The following SHISA9 variants were observed in gnomAD, a reference collection of about 807,000 sequenced individuals.
SHISA9 encodes the protein shisa family member 9, also known as protein shisa-9.
Under a neutral mutation model 38.0 loss-of-function variants are expected in SHISA9, and 13 were observed. The observed-to-expected ratio is 0.34, with a 90% CI of 0.22 to 0.54. The LOEUF (loss-of-function observed/expected upper bound fraction) is 0.54. Among genes scored for constraint, SHISA9 ranks in the 20% least tolerant of loss-of-function variants. The pLI is 0.91. For missense variants in SHISA9, 538 were observed against 575.8 expected (o/e 0.93, Z 0.67); for synonymous variants, 275 against 242.0 (o/e 1.14, Z -1.27).
chr16:13,461,002 C>T, the SHISA9 span, among the ~76,000 whole-genome samples: 5 of 152,344 alleles, frequency 3.3e-5, no homozygotes, highest in East Asian at 1.9e-4. Flanking sequence ...TTTGCTGTCT[C>T]AGGCAGTAAT....
At chr16:13,005,487 C>T (rs187614710) in intron 2 of SHISA9, among the ~76,000 whole-genome samples, 1 of 152,256 alleles carries the variant, frequency 6.6e-6, no homozygotes, top group East Asian at 1.9e-4. Flanking sequence ...GTAATTTGCT[C>T]AAGGTCACAC....
intron 2 of SHISA9, among the ~76,000 whole-genome samples, chr16:13,094,319 C>T (rs1387827253): frequency 6.6e-6 from 1 of 152,040 alleles, no homozygotes; most frequent in African/African-American, 2.4e-5. Flanking sequence ...GGCCATTAGA[C>T]AAAAGTAAGC....
chr16:12,960,569 T>C (rs1158494341), intron 2 of SHISA9, among the ~76,000 whole-genome samples: 2 of 152,174 alleles, frequency 1.3e-5, no homozygotes, highest in Admixed American at 1.3e-4. Context: ...ATATACACCA[T>C]GGAATACTAT....
At chr16:12,941,349 TA>T (rs34236666) in intron 2 of SHISA9, among the ~76,000 whole-genome samples, 48,826 of 151,826 alleles carry the variant, frequency 0.32, 8,121 homozygotes, top group Middle Eastern at 0.42. Context: ...AGATTCCATC[TA>T]AAAAAAATAA....
the SHISA9 span, among the ~76,000 whole-genome samples, chr16:13,246,713 C>T: frequency 1.3e-5 from 2 of 152,084 alleles, no homozygotes; most frequent in Non-Finnish European, 1.5e-5. Context: ...ACCAACTGGA[C>T]GTTATGTGAG....
In SHISA9 at chr16:13,019,944, T is replaced by G. The variant is rs1304381081; in HGVS notation, c.691+103129T>G. On this transcript the variant is annotated intron_variant, in intron 2 of 4. Coordinates refer to ENST00000558583, the MANE Select transcript of SHISA9 (RefSeq NM_001145204.3). ...CTTTCTTTCTTTCTTTCTTTCTTTC[T>G]TTCTTTCTTTCTTTCCCTCCTTCTT... Among the ~76,000 whole-genome samples the G allele has an allele frequency of 2.3e-3, 158 of 69,600 alleles. 9 individuals are homozygous for G. The highest frequency in any genetic ancestry group is 4.5e-3 in the Non-Finnish European group (133 of 29,480). The allele number at this position is 69,600 out of a possible 152,430, so 45.7% of individuals were successfully genotyped here.
At chr16:13,158,993 G>A (rs956854340) in intron 2 of SHISA9, among the ~76,000 whole-genome samples, 2 of 151,124 alleles carry the variant, frequency 1.3e-5, no homozygotes, top group African/African-American at 4.9e-5. Context: ...CCAGGAGGCG[G>A]AGGTTGCAAT....
intron 2 of SHISA9, among the ~76,000 whole-genome samples, chr16:12,984,218 C>G (rs1484796711): frequency 2.0e-5 from 3 of 152,088 alleles, no homozygotes; most frequent in South Asian, 2.1e-4. Flanking sequence ...CCTCTAGCAT[C>G]AAGGAAATGA....
At chr16:12,988,682 T>C (rs1203373884) in intron 2 of SHISA9, among the ~76,000 whole-genome samples, 1 of 151,698 alleles carries the variant, frequency 6.6e-6, no homozygotes, top group Non-Finnish European at 1.5e-5. Context: ...CCCCCAACCA[T>C]GCCCGACTAT....
the SHISA9 span, among the ~76,000 whole-genome samples, chr16:13,516,570 T>C: frequency 6.6e-6 from 1 of 151,708 alleles, no homozygotes; most frequent in Non-Finnish European, 1.5e-5. Context: ...GAGGCTGAGG[T>C]GGGTGGATTG....
the SHISA9 span, among the ~76,000 whole-genome samples, chr16:13,537,326 G>T: frequency 2.0e-5 from 3 of 151,886 alleles, no homozygotes; most frequent in Admixed American, 2.0e-4. Flanking sequence ...TACTCAGAAG[G>T]CTGAGGCAGA....
chr16:13,514,507 T>C, the SHISA9 span, among the ~76,000 whole-genome samples: 2 of 152,126 alleles, frequency 1.3e-5, no homozygotes, highest in Admixed American at 1.3e-4. Context: ...CTACATTAAG[T>C]AGAGACATGG....
At chr16:13,320,979 C>G in the SHISA9 span, among the ~76,000 whole-genome samples, 1 of 152,192 alleles carries the variant, frequency 6.6e-6, no homozygotes, top group Non-Finnish European at 1.5e-5. Context: ...AACTTGGTAG[C>G]CGTTAACCAG....
At chr16:13,546,061 T>C in the SHISA9 span, among the ~76,000 whole-genome samples, 1 of 152,196 alleles carries the variant, frequency 6.6e-6, no homozygotes, top group African/African-American at 2.4e-5. Context: ...CAGAGAACAC[T>C]AGGCTCACTA....
intron 2 of SHISA9, among the ~76,000 whole-genome samples, chr16:12,923,510 A>G (rs902585558): frequency 6.6e-6 from 1 of 152,140 alleles, no homozygotes; most frequent in East Asian, 1.9e-4. Flanking sequence ...CCTGCATGAC[A>G]GAGCAAAACT....
the SHISA9 span, among the ~76,000 whole-genome samples, chr16:13,472,126 G>A: frequency 6.6e-6 from 1 of 152,120 alleles, no homozygotes; most frequent in East Asian, 1.9e-4. Context: ...CTTTAAGTGG[G>A]CTCATTGATC....
intron 2 of SHISA9, among the ~76,000 whole-genome samples, chr16:13,095,025 G>C (rs529507938): frequency 3.3e-5 from 5 of 152,152 alleles, no homozygotes; most frequent in Non-Finnish European, 7.3e-5. Flanking sequence ...GATGTGATCA[G>C]GCATTTTCTT....
the SHISA9 span, among the ~76,000 whole-genome samples, chr16:13,404,225 C>T: frequency 1.3e-5 from 2 of 152,094 alleles, no homozygotes; most frequent in Admixed American, 6.5e-5. Flanking sequence ...CTTTGCTGAG[C>T]GTAGGAATAA....
At chr16:13,470,570 T>C in the SHISA9 span, among the ~76,000 whole-genome samples, 4 of 152,142 alleles carry the variant, frequency 2.6e-5, no homozygotes, top group Non-Finnish European at 5.9e-5. Context: ...ATGAGACTTA[T>C]TCACTACCAC....
Sources: gnomAD v4.1 joint callset for allele counts (sites outside exome capture counted in the v4.1 genomes callset) on GRCh38, gnomAD v4.1.1 for gene constraint, MANE v1.5 for transcripts, NCBI Gene and HGNC (gene_info 2026-07-23, HGNC 2026-07-21) for gene names.